Variants in HSD17B2 observed in about 807,000 individuals in gnomAD.
HSD17B2 encodes the protein hydroxysteroid 17-beta dehydrogenase 2.
A neutral mutation model predicts 26.9 loss-of-function variants in HSD17B2; 32 were observed. The observed-to-expected ratio is 1.19, with a 90% CI of 0.90 to 1.60. HSD17B2 has a LOEUF of 1.60. Ranked by LOEUF, HSD17B2 falls within the 40% of genes most tolerant of loss-of-function variation. The pLI is 0.00. For missense variants in HSD17B2, 613 were observed against 468.6 expected (o/e 1.31, Z -2.85); for synonymous variants, 246 against 186.7 (o/e 1.32, Z -2.59).
At chr16:82,092,173 C>G (rs1447569449) in intron 4 of HSD17B2, 1 of 152,146 alleles carries the variant, frequency 6.6e-6, no homozygotes, top group Non-Finnish European at 1.5e-5. Flanking sequence ...ATTTATTAGT[C>G]TTTTGCTGCC....
At chr16:82,061,292 A>G (rs932659347) in intron 1 of HSD17B2, among the ~76,000 whole-genome samples, 1 of 152,146 alleles carries the variant, frequency 6.6e-6, no homozygotes, top group Non-Finnish European at 1.5e-5. Flanking sequence ...TTTAATAAAC[A>G]TCTGGAGAGC....
intron 3 of HSD17B2, among the ~76,000 whole-genome samples, chr16:82,077,049 C>A (rs925038076): frequency 1.3e-5 from 2 of 152,056 alleles, no homozygotes; most frequent in Non-Finnish European, 2.9e-5. Context: ...ATTCCATGTC[C>A]ATAGGTTGGA....
At chr16:82,066,993 G>T (rs1254971549) in intron 1 of HSD17B2, among the ~76,000 whole-genome samples, 1 of 152,096 alleles carries the variant, frequency 6.6e-6, no homozygotes, top group Non-Finnish European at 1.5e-5. Flanking sequence ...GACTTTTTGG[G>T]TCAAAAGATA....
intron 1 of HSD17B2, among the ~76,000 whole-genome samples, chr16:82,051,100 A>G (rs541712454): frequency 6.6e-6 from 1 of 152,284 alleles, no homozygotes; most frequent in South Asian, 2.1e-4. Context: ...CTCAATCTTC[A>G]TATCCTATTT....
intron 3 of HSD17B2, among the ~76,000 whole-genome samples, chr16:82,081,883 G>T (rs1904390899): frequency 6.6e-6 from 1 of 151,988 alleles, no homozygotes. Flanking sequence ...AAGAAAATGT[G>T]GTACATATGC....
intron 3 of HSD17B2, among the ~76,000 whole-genome samples, chr16:82,083,025 T>A (rs758607101): frequency 6.6e-6 from 1 of 152,052 alleles, no homozygotes; most frequent in Non-Finnish European, 1.5e-5. Context: ...AGTCAAAGGG[T>A]CTCAGATGCT....
intron 1 of HSD17B2, among the ~76,000 whole-genome samples, chr16:82,041,623 C>T (rs1278510104): frequency 1.3e-5 from 2 of 152,264 alleles, no homozygotes; most frequent in Non-Finnish European, 2.9e-5. Flanking sequence ...TTGACTTCTG[C>T]TCCAGCACTG....
chr16:82,056,132 G>T (rs1053576815), intron 1 of HSD17B2, among the ~76,000 whole-genome samples: 3 of 152,158 alleles, frequency 2.0e-5, no homozygotes, highest in Non-Finnish European at 4.4e-5. Context: ...TTGGTCATGT[G>T]TTGGCAAGAA....
chr16:82,087,824 C>A (rs930199566), intron 3 of HSD17B2, among the ~76,000 whole-genome samples: 3 of 151,890 alleles, frequency 2.0e-5, no homozygotes, highest in African/African-American at 4.8e-5. Context: ...GGTGGAAGGG[C>A]AAGAGAGAGG....
In HSD17B2 at chr16:82,098,488, G is replaced by A. The variant is rs756169126; in HGVS notation, c.*52G>A. 147 of 1,509,788 alleles carry A rather than the reference G, an allele frequency of 9.7e-5. No homozygotes were observed. The highest frequency in any genetic ancestry group is 1.3e-4 in the Non-Finnish European group (143 of 1,132,298). The allele number at this position is 1,509,788 out of a possible 1,614,324, so 93.5% of individuals were successfully genotyped here. ...AATGTCATAGTCTTGAAATGAAAGG[G>A]AAACTGGGAAACTGGGTTTCTCATT... On this transcript the variant is annotated 3_prime_UTR_variant, in exon 5 of 5. Transcript: ENST00000199936.
chr16:82,068,078 A>G, intron 1 of HSD17B2, 92 bp from the exon 2 acceptor site: 1 of 1,122,380 alleles, frequency 8.9e-7, no homozygotes, highest in Non-Finnish European at 1.3e-6. Context: ...GAGCATGGAG[A>G]ATCGTAAACA....
intron 1 of HSD17B2, 124 bp downstream of exon 1, chr16:82,035,813 C>T (rs1476245199): frequency 1.9e-6 from 2 of 1,036,860 alleles, no homozygotes; most frequent in Admixed American, 4.6e-5. Flanking sequence ...AAAGCCCTCA[C>T]CCAAGTATTT....
intron 3 of HSD17B2, among the ~76,000 whole-genome samples, chr16:82,080,047 T>G (rs1479679891): frequency 1.3e-5 from 2 of 152,086 alleles, no homozygotes; most frequent in African/African-American, 4.8e-5. Context: ...ACCTTCTGAG[T>G]GACAAGAATT....
At chr16:82,084,486 T>C (rs954987657) in intron 3 of HSD17B2, among the ~76,000 whole-genome samples, 3 of 152,164 alleles carry the variant, frequency 2.0e-5, no homozygotes, top group Non-Finnish European at 4.4e-5. Context: ...AATATCCAAG[T>C]AAAAGGGACC....
chr16:82,035,722 G>A (rs1195301647), intron 1 of HSD17B2, 33 bp downstream of exon 1: 1 of 1,601,354 alleles, frequency 6.2e-7, no homozygotes, highest in Non-Finnish European at 8.5e-7. Flanking sequence ...TTCACTGAGG[G>A]TATGATCTGA....
chr16:82,087,530 A>G (rs1169131303), intron 3 of HSD17B2, among the ~76,000 whole-genome samples: 1 of 152,228 alleles, frequency 6.6e-6, no homozygotes, highest in Non-Finnish European at 1.5e-5. Context: ...TAATATTGGC[A>G]GTTCTTGCAG....
intron 1 of HSD17B2, among the ~76,000 whole-genome samples, chr16:82,066,107 T>C (rs2097946421): frequency 6.6e-6 from 1 of 152,214 alleles, no homozygotes; most frequent in African/African-American, 2.4e-5. Context: ...ACATATATTA[T>C]ATATTAGTAC....
intron 4 of HSD17B2, chr16:82,091,663 G>C (rs918573222): frequency 1.3e-5 from 2 of 155,868 alleles, no homozygotes; most frequent in African/African-American, 4.8e-5. Context: ...CCAAGGGACA[G>C]GGCCTTATGC....
chr16:82,049,584 G>C (rs1386583533), intron 1 of HSD17B2, among the ~76,000 whole-genome samples: 4 of 152,230 alleles, frequency 2.6e-5, no homozygotes, highest in African/African-American at 4.8e-5. Context: ...GTTCACAAGA[G>C]AGATTGCAAA....
Sources: gnomAD v4.1 joint callset for allele counts (sites outside exome capture counted in the v4.1 genomes callset) on GRCh38, gnomAD v4.1.1 for gene constraint, MANE v1.5 for transcripts, NCBI Gene and HGNC (gene_info 2026-07-23, HGNC 2026-07-21) for gene names.